The following MEPCE variants were observed in gnomAD, a reference collection of about 807,000 sequenced individuals.
MEPCE encodes methylphosphate capping enzyme.
Under a neutral mutation model 52.3 loss-of-function variants are expected in MEPCE, and 9 were observed. The observed-to-expected ratio is 0.17, with a 90% CI of 0.10 to 0.30. The LOEUF is 0.30. MEPCE is among the 10% of genes least tolerant of loss of function. MEPCE has a pLI of 1.00. For missense variants in MEPCE, 826 were observed against 933.0 expected (o/e 0.89, Z 1.49); for synonymous variants, 477 against 401.6 (o/e 1.19, Z -2.25).
At chr7:100,429,826 C>T, upstream of MEPCE, 1 of 429,102 alleles carries the variant, frequency 2.3e-6, no homozygotes, top group Non-Finnish European at 3.9e-6. Flanking sequence ...TCGGGTCTCG[C>T]GGGCCTCTTG....
chr7:100,430,347 C>T lies in MEPCE; in HGVS notation c.329C>T (p.Pro110Leu), dbSNP rs1798606967. The change falls in exon 1 of 4, where the codon CCG becomes CTG. Residue 110 changes from proline (P) to leucine (L), a missense_variant. This residue lies in a region of MEPCE where 314 missense variants were observed against 277.7 expected (regional missense o/e 1.13). Coordinates refer to ENST00000310512, the MANE Select transcript of MEPCE (RefSeq NM_019606.6). ...GATCCCCCGGGGCGAGCCGCTCCCCCGGACGTGGGGGAGGAGCGCCGGGGA... is the reference window on the plus strand; with the variant it reads ...GATCCCCCGGGGCGAGCCGCTCCCCTGGACGTGGGGGAGGAGCGCCGGGGA... Reference protein sequence around the residue: ...LSDPPGRAAPPDVGEERRGGG... With the variant: ...LSDPPGRAAPLDVGEERRGGG... 7.0e-7 allele frequency: 1 copy of T among 1,429,804 alleles called. No homozygotes were observed. Among genetic ancestry groups the T allele is most frequent in the Non-Finnish European group, 9.1e-7 (1 of 1,094,708 alleles). 88.6% of individuals were successfully genotyped at this position (1,429,804 alleles called of 1,614,324 possible).
rs1305750591 is a variant in MEPCE at position 100,430,473 on chromosome 7, G to C, written c.455G>C (p.Ser152Thr). The C allele has an allele frequency of 6.4e-7, 1 of 1,568,082 alleles. No homozygotes were observed. The highest frequency in any genetic ancestry group is 1.7e-4 in the Middle Eastern group (1 of 5,860). The change falls in exon 1 of 4, where the codon AGC becomes ACC. Residue 152 changes from serine (S) to threonine (T), a missense_variant. This residue lies in a region of MEPCE where 314 missense variants were observed against 277.7 expected (regional missense o/e 1.13). Coordinates refer to ENST00000310512, the MANE Select transcript of MEPCE (RefSeq NM_019606.6). ...GGGGGCGGGGGCAAGAGGAGAAATA[G>C]CTGTAATGTAGGGGGAGGCGGGGGA... ...PGGGGGKRRN[S>T]CNVGGGGGGF...
Position 100,430,206 on chromosome 7 carries a change from C to T in MEPCE, c.188C>T (p.Ala63Val), listed in dbSNP as rs1417212758. Residue 63 changes from alanine (A) to valine (V), a missense_variant, in exon 1 of 4, where the codon GCT (alanine) becomes GTT (valine). Around this residue, in one of 7 missense-constraint regions of MEPCE, gnomAD observed 314 missense variants for 277.7 expected, o/e 1.13. Transcript: ENST00000310512. ...GCGCCATCTGCGGGGTCCCCAGCCG[C>T]TGCGGTCGGTCGGGAAAGCCCCGGG... ...RCAPSAGSPA[A>V]AVGRESPGAA... 2 of 1,311,724 alleles carry T rather than the reference C, an allele frequency of 1.5e-6. No individual in the cohort carries two copies. The highest frequency in any genetic ancestry group is 1.9e-6 in the Non-Finnish European group (2 of 1,033,820). The allele number at this position is 1,311,724 out of a possible 1,614,324, so 81.3% of individuals were successfully genotyped here. A position where few individuals can be genotyped will look rare whatever the true frequency, so the allele number is the denominator to read the frequency against.
chr7:100,430,204 C>T lies in MEPCE; in HGVS notation c.186C>T (p.Ala62=), dbSNP rs538328723. Residue 62 remains alanine, a synonymous_variant, in exon 1 of 4, where the codon GCC becomes GCT. Transcript: ENST00000310512. ...GCGCGCCATCTGCGGGGTCCCCAGC[C>T]GCTGCGGTCGGTCGGGAAAGCCCCG... ...GRCAPSAGSP[A]AAVGRESPGA... is the part of the protein sequence containing the mutation. 135 of 1,311,684 alleles carry T rather than the reference C, an allele frequency of 1.0e-4. No individual in the cohort carries two copies. The highest frequency in any genetic ancestry group is 2.7e-4 in the Middle Eastern group (1 of 3,734). 81.3% of individuals were successfully genotyped at this position (1,311,684 alleles called of 1,614,324 possible).
In MEPCE at chr7:100,431,002, G is replaced by A. The variant is rs779123125; in HGVS notation, c.984G>A (p.Val328=). The change falls in exon 1 of 4, where the codon GTG becomes GTA. Residue 328 remains valine, a synonymous_variant. Transcript: ENST00000310512. ...CAGCCATCAACTGCAGGGATGAAGT[G>A]GTGTCTCCCCTTCCATCTGCTCTGC... is the stretch of plus-strand genomic sequence containing the variant. ...LNTAINCRDE[V]VSPLPSALQG... is the part of the protein sequence containing the mutation. The A allele has an allele frequency of 3.1e-6, 5 of 1,613,596 alleles. No individual in the cohort carries two copies. The highest frequency in any genetic ancestry group is 4.2e-6 in the Non-Finnish European group (5 of 1,179,820).
rs771494839 is a variant in MEPCE, at chr7:100,430,394, C to A, written c.376C>A (p.Pro126Thr). 2 of 1,510,772 alleles carry A rather than the reference C, an allele frequency of 1.3e-6. No homozygotes were observed. The highest frequency in any genetic ancestry group is 1.2e-5 in the South Asian group (1 of 80,378). The allele number at this position is 1,510,772 out of a possible 1,614,324, so 93.6% of individuals were successfully genotyped here. ...GGGAGGGGGCGGGACAGAGCTGGGTCCCCCTGCTCCTCCTCGACCCCGCAA... is the reference window on the plus strand; with the variant it reads ...GGGAGGGGGCGGGACAGAGCTGGGTACCCCTGCTCCTCCTCGACCCCGCAA... ...RRGGGGTELG[P>T]PAPPRPRNGY... is the part of the protein sequence containing the mutation. The change falls in exon 1 of 4, where the codon CCC (proline) becomes ACC (threonine). Residue 126 changes from proline to threonine, a missense_variant. Coordinates refer to ENST00000310512, the MANE Select transcript of MEPCE (RefSeq NM_019606.6).
chr7:100,431,468 C>T lies in MEPCE; in HGVS notation c.1450C>T (p.Arg484Cys). The T allele has an allele frequency of 3.1e-6, 5 of 1,613,850 alleles. No homozygotes were observed. Among genetic ancestry groups the T allele is most frequent in the Non-Finnish European group, 4.2e-6 (5 of 1,180,038 alleles). ...CGATTCCCGGCTCATCCATTCTGCCCGCCAAAACATCCGACACTACCTTTC... is the reference window on the plus strand; with the variant it reads ...CGATTCCCGGCTCATCCATTCTGCCTGCCAAAACATCCGACACTACCTTTC... ...DIDSRLIHSA[R>C]QNIRHYLSEE... Residue 484 changes from arginine to cysteine, a missense_variant, in exon 1 of 4, where the codon CGC becomes TGC. By Grantham distance (180) the Arg-to-Cys change is radical. This residue lies in a region of MEPCE where 107 missense variants were observed against 157.9 expected (regional missense o/e 0.68). Coordinates refer to ENST00000310512, the MANE Select transcript of MEPCE (RefSeq NM_019606.6).
At chr7:100,432,485 A>C (rs145057284) in intron 1 of MEPCE, among the ~76,000 whole-genome samples, 141 of 152,332 alleles carry the variant, frequency 9.3e-4, no homozygotes, top group Admixed American at 4.4e-3. Flanking sequence ...CAGAGAAAGG[A>C]AAGAATAGGC....
chr7:100,432,020 A>G (rs1798732403), intron 1 of MEPCE, among the ~76,000 whole-genome samples: 3 of 152,182 alleles, frequency 2.0e-5, no homozygotes, highest in African/African-American at 7.2e-5. Flanking sequence ...AATTTGATCC[A>G]GGTGGAACTT....
rs1327922120 is a variant in MEPCE, at chr7:100,430,343, C to T, written c.325C>T (p.Pro109Ser). 1 of 1,428,372 alleles carries T rather than the reference C, an allele frequency of 7.0e-7. No individual in the cohort carries two copies. Among genetic ancestry groups the T allele is most frequent in the Non-Finnish European group, 9.1e-7 (1 of 1,094,050 alleles). The allele number at this position is 1,428,372 out of a possible 1,614,324, so 88.5% of individuals were successfully genotyped here. Residue 109 changes from proline (P) to serine (S), a missense_variant, in exon 1 of 4, where the codon CCC (proline) becomes TCC (serine). By Grantham distance (74) the Pro-to-Ser change is moderately conservative. Coordinates refer to ENST00000310512, the MANE Select transcript of MEPCE (RefSeq NM_019606.6). ...GTCGGATCCCCCGGGGCGAGCCGCT[C>T]CCCCGGACGTGGGGGAGGAGCGCCG... Reference protein sequence around the residue: ...RLSDPPGRAAPPDVGEERRGG... With the variant: ...RLSDPPGRAASPDVGEERRGG...
Position 100,431,207 on chromosome 7 carries a change from C to T in MEPCE, c.1189C>T (p.His397Tyr). The change falls in exon 1 of 4, where the codon CAC becomes TAC. Residue 397 changes from histidine to tyrosine, a missense_variant. By Grantham distance (83) the His-to-Tyr change is moderately conservative. This residue lies in a region of MEPCE where 307 missense variants were observed against 292.1 expected (regional missense o/e 1.05). Transcript: ENST00000310512. ...AGGGAGTTGGGGAGGCCGCCACCAC[C>T]ACCACCACCCACTGCCTGCAGCAGG... ...GRGSWGGRHHHHHPLPAAGFK... is the reference protein window; with the variant it reads ...GRGSWGGRHHYHHPLPAAGFK... 6.2e-7 allele frequency: 1 copy of T among 1,613,900 alleles called. No individual in the cohort carries two copies. Among genetic ancestry groups the T allele is most frequent in the Non-Finnish European group, 8.5e-7 (1 of 1,179,994 alleles).
At chr7:100,431,953 G>T (rs1399855911) in intron 1 of MEPCE, among the ~76,000 whole-genome samples, 2 of 152,136 alleles carry the variant, frequency 1.3e-5, no homozygotes, top group Non-Finnish European at 2.9e-5. Context: ...TCCCGGCTTG[G>T]CCTATAATCC....
chr7:100,433,395 G>T lies in MEPCE; in HGVS notation c.2017+6G>T, dbSNP rs1017049888. 1.2e-6 allele frequency: 2 copies of T among 1,614,064 alleles called. No homozygotes were observed. The highest frequency in any genetic ancestry group is 1.3e-5 in the African/African-American group (1 of 74,940). ...ACCCCACAACACCTCTAAAGGTAAG[G>T]CTGGTTTATTTTGTCAGGGAGGCTG... On this transcript the variant is annotated splice_donor_region_variant and intron_variant, in intron 3 of 3. Coordinates refer to ENST00000310512, the MANE Select transcript of MEPCE (RefSeq NM_019606.6).
Position 100,433,829 on chromosome 7 carries a change from C to T in MEPCE, c.*275C>T. The T allele has an allele frequency of 7.7e-6, 4 of 521,082 alleles. No individual in the cohort carries two copies. Among genetic ancestry groups the T allele is most frequent in the Non-Finnish European group, 1.0e-5 (3 of 293,512 alleles). The allele number at this position is 521,082 out of a possible 1,614,324, so 32.3% of individuals were successfully genotyped here. A position where few individuals can be genotyped will look rare whatever the true frequency, so the allele number is the denominator to read the frequency against. ...CATGGACTGTTTGCTGACCTCTGTT[C>T]TCTTAGGGCATGGGAGGTGGGAGGA... On this transcript the variant is annotated 3_prime_UTR_variant, in exon 4 of 4. Transcript: ENST00000310512.
rs775547192 is a variant in MEPCE at position 100,433,409 on chromosome 7, T to G, written c.2017+20T>G. The G allele has an allele frequency of 6.2e-7, 1 of 1,614,156 alleles. No homozygotes were observed. The highest frequency in any genetic ancestry group is 8.5e-7 in the Non-Finnish European group (1 of 1,179,998). Reference sequence around the variant, plus strand: ...CTAAAGGTAAGGCTGGTTTATTTTGTCAGGGAGGCTGGTCCTGGCTGAAAG... The same window carrying G: ...CTAAAGGTAAGGCTGGTTTATTTTGGCAGGGAGGCTGGTCCTGGCTGAAAG... On this transcript the variant is annotated intron_variant, in intron 3 of 3. Transcript: ENST00000310512.
rs1268622381 is a variant in MEPCE at position 100,433,255 on chromosome 7, C to T, written c.1891-8C>T. 2 of 1,614,162 alleles carry T rather than the reference C, an allele frequency of 1.2e-6. No individual in the cohort carries two copies. Among genetic ancestry groups the T allele is most frequent in the East Asian group, 2.2e-5 (1 of 44,890 alleles). On this transcript the variant is annotated splice_polypyrimidine_tract_variant and splice_region_variant and intron_variant, in intron 2 of 3. Coordinates refer to ENST00000310512, the MANE Select transcript of MEPCE (RefSeq NM_019606.6). The stretch of plus-strand genomic sequence containing the variant: ...CGTGCTGAAGTGGTCCCTTGCCTCT[C>T]TCCTTAGGAAACGATCTACAAGAAC...
At position 100,430,395 on chromosome 7, in the gene MEPCE, C is replaced by G; in HGVS notation, c.377C>G (p.Pro126Arg). The G allele has an allele frequency of 6.6e-7, 1 of 1,515,308 alleles. No homozygotes were observed. Among genetic ancestry groups the G allele is most frequent in the Non-Finnish European group, 8.8e-7 (1 of 1,133,782 alleles). 93.9% of individuals were successfully genotyped at this position (1,515,308 alleles called of 1,614,324 possible). ...GGAGGGGGCGGGACAGAGCTGGGTC[C>G]CCCTGCTCCTCCTCGACCCCGCAAT... ...RRGGGGTELG[P>R]PAPPRPRNGY... The change falls in exon 1 of 4, where the codon CCC becomes CGC. Residue 126 changes from proline (P) to arginine (R), a missense_variant. Pro to Arg is a moderately radical substitution (Grantham distance 103). Coordinates refer to ENST00000310512, the MANE Select transcript of MEPCE (RefSeq NM_019606.6).
In MEPCE at chr7:100,433,654, A is replaced by G; in HGVS notation, c.*100A>G. On this transcript the variant is annotated 3_prime_UTR_variant, in exon 4 of 4. Transcript: ENST00000310512. ...CCAAGGTCTTTCCTTTCTGACTCCAAAAATAGTTTCCTTTCTTGGATCTGC... is the reference window on the plus strand; with the variant it reads ...CCAAGGTCTTTCCTTTCTGACTCCAGAAATAGTTTCCTTTCTTGGATCTGC... The G allele has an allele frequency of 8.1e-7, 1 of 1,228,700 alleles. No individual in the cohort carries two copies. The highest frequency in any genetic ancestry group is 1.3e-5 in the South Asian group (1 of 76,666). 76.1% of individuals were successfully genotyped at this position (1,228,700 alleles called of 1,614,324 possible).
rs939484517 is a variant in MEPCE, at chr7:100,430,846, C to G, written c.828C>G (p.Ala276=). 6.2e-7 allele frequency: 1 copy of G among 1,610,974 alleles called. No homozygotes were observed. Among genetic ancestry groups the G allele is most frequent in the Non-Finnish European group, 8.5e-7 (1 of 1,178,084 alleles). The part of the protein sequence containing the change: ...RGQHHQQQQA[A]GGSESHPVPP... The stretch of plus-strand genomic sequence containing the variant: ...AGCACCACCAGCAGCAGCAGGCAGC[C>G]GGAGGGAGTGAGAGTCACCCCGTGC... The change falls in exon 1 of 4, where the codon GCC becomes GCG. Residue 276 remains alanine, a synonymous_variant. Coordinates refer to ENST00000310512, the MANE Select transcript of MEPCE (RefSeq NM_019606.6).
Sources: gnomAD v4.1 joint callset for allele counts (sites outside exome capture counted in the v4.1 genomes callset) on GRCh38, gnomAD v4.1.1 for gene constraint, gnomAD v4.1.1 regional missense constraint, MANE v1.5 for transcripts, NCBI Gene and HGNC (gene_info 2026-07-23, HGNC 2026-07-21) for gene names.